PCDHA9: variants seen among roughly 807,000 people sequenced by gnomAD.
The protein encoded by PCDHA9 is protocadherin alpha-9.
In PCDHA9, 62 loss-of-function variants were observed where a neutral mutation model predicts 62.0. The ratio of observed to expected loss-of-function variants is 1.00; its 90% CI spans 0.81 to 1.23. The LOEUF is 1.23. Among genes scored for constraint, PCDHA9 ranks in the 50% most tolerant of loss-of-function variants. The pLI, the probability that PCDHA9 is intolerant of heterozygous loss-of-function variation, is 0.00. For missense variants in PCDHA9, 1,205 were observed against 1,249.8 expected, an observed-to-expected ratio of 0.96 and a Z score of 0.54; for synonymous variants, 557 against 567.6, an observed-to-expected ratio of 0.98 and a Z score of 0.27.
chr5:140,992,757 G>A (rs1345373474), intron 3 of PCDHA9, among the ~76,000 whole-genome samples: 2 of 152,110 alleles, frequency 1.3e-5, no homozygotes, highest in Non-Finnish European at 2.9e-5. Context: ...CCTGTGTTGG[G>A]GATAGGAGGG....
intron 1 of PCDHA9, among the ~76,000 whole-genome samples, chr5:140,942,962 A>G (rs2153660638): frequency 6.6e-6 from 1 of 152,216 alleles, no homozygotes; most frequent in South Asian, 2.1e-4. Flanking sequence ...CTGTTATCAG[A>G]ATTAAATTTT....
chr5:141,000,972 CT>C (rs2097980392), intron 3 of PCDHA9, among the ~76,000 whole-genome samples: 1 of 151,780 alleles, frequency 6.6e-6, no homozygotes, highest in Non-Finnish European at 1.5e-5. Context: ...CTTCATATTC[CT>C]TTTTTATAAA....
At chr5:140,983,408 A>C (rs1554245369) in intron 3 of PCDHA9, among the ~76,000 whole-genome samples, 1 of 152,208 alleles carries the variant, frequency 6.6e-6, no homozygotes, top group East Asian at 1.9e-4. Context: ...GGGAAGATTA[A>C]GTGTTGGTAG....
At chr5:140,975,236 T>A (rs562846037) in intron 1 of PCDHA9, among the ~76,000 whole-genome samples, 84 of 152,334 alleles carry the variant, frequency 5.5e-4, no homozygotes, top group African/African-American at 1.9e-3. Context: ...TCACATGGAA[T>A]CCCTCTTATG....
chr5:140,897,769 C>T (rs1441051679), intron 1 of PCDHA9, among the ~76,000 whole-genome samples: 2 of 152,198 alleles, frequency 1.3e-5, no homozygotes, highest in Non-Finnish European at 2.9e-5. Flanking sequence ...GCCACACTGA[C>T]TTCCACAATG....
rs556783584 is a variant in PCDHA9 at position 140,882,446 on chromosome 5, G to A, written c.2394+31557G>A. ...CCTGGGGCTGGAGCTGGCGGAGCTG[G>A]TGCCGCGCCTGTTCCGGGTGGCGTC... On this transcript the variant is annotated intron_variant, in intron 1 of 3. Coordinates refer to ENST00000532602, the MANE Select transcript of PCDHA9 (RefSeq NM_031857.2). 1.9e-5 allele frequency: 30 copies of A among 1,614,042 alleles called. No individual in the cohort carries two copies. The highest frequency in any genetic ancestry group is 1.0e-4 in the Admixed American group (6 of 60,036).
chr5:140,994,772 G>C (rs2097648880), intron 3 of PCDHA9, among the ~76,000 whole-genome samples: 2 of 152,118 alleles, frequency 1.3e-5, no homozygotes, highest in Non-Finnish European at 1.5e-5. Context: ...GAGAATTCCA[G>C]GCAAAGGAAA....
In PCDHA9 at chr5:140,967,909, C is replaced by T. The variant is rs140881563; in HGVS notation, c.2395-11040C>T. The T allele has an allele frequency of 5.0e-5, 81 of 1,614,206 alleles. No individual in the cohort carries two copies. In the African/African-American group the frequency reaches 9.1e-4, roughly 18 times the overall value. ...CAGTGCCTGAGAATGCTACACCCAACACCATTGTGGCCGTTCTCAGTGTCA... is the reference window on the plus strand; with the variant it reads ...CAGTGCCTGAGAATGCTACACCCAATACCATTGTGGCCGTTCTCAGTGTCA... On this transcript the variant is annotated intron_variant, in intron 1 of 3. Coordinates refer to ENST00000532602, the MANE Select transcript of PCDHA9 (RefSeq NM_031857.2).
chr5:140,976,190 C>T (rs1402016343), intron 1 of PCDHA9, among the ~76,000 whole-genome samples: 17 of 152,040 alleles, frequency 1.1e-4, no homozygotes, highest in African/African-American at 4.1e-4. Context: ...AATCAATATC[C>T]TGGAAACTCA....
chr5:140,947,188 T>C (rs2153678869), intron 1 of PCDHA9, among the ~76,000 whole-genome samples: 1 of 151,448 alleles, frequency 6.6e-6, no homozygotes, highest in South Asian at 2.1e-4. Context: ...CATGGTATAC[T>C]ACACAGCCTT....
At chr5:140,991,420 A>G (rs1413227137) in intron 3 of PCDHA9, among the ~76,000 whole-genome samples, 2 of 152,234 alleles carry the variant, frequency 1.3e-5, no homozygotes, top group Admixed American at 6.5e-5. Flanking sequence ...GCTATAACAA[A>G]TTAACCATAA....
intron 1 of PCDHA9, among the ~76,000 whole-genome samples, chr5:140,915,707 T>C (rs545075490): frequency 1.3e-4 from 19 of 151,930 alleles, no homozygotes; most frequent in Non-Finnish European, 2.6e-4. Flanking sequence ...AGCACTCCTG[T>C]GGCCCCCACT....
At chr5:140,941,202 C>CTTTTCTTTCTTCCTTTCTTT (rs1554213921) in intron 1 of PCDHA9, among the ~76,000 whole-genome samples, 1 of 122,742 alleles carries the variant, frequency 8.1e-6, no homozygotes, top group Non-Finnish European at 1.8e-5. Flanking sequence ...TTTCTTTCTT[C>CTTTTCTTTCTTCCTTTCTTT]CTTTCTTTCT....
At position 140,927,327 on chromosome 5, in the gene PCDHA9, C is replaced by T. The variant is rs781793681; in HGVS notation, c.2395-51622C>T. On this transcript the variant is annotated intron_variant, in intron 1 of 3. Coordinates refer to ENST00000532602, the MANE Select transcript of PCDHA9 (RefSeq NM_031857.2). ...TGACGCCCGGAGCCCGCTTTACTCT[C>T]CCGAATGCCCAAGATGACGACGAGG... 8.5e-5 allele frequency: 137 copies of T among 1,614,206 alleles called. No individual in the cohort carries two copies. In the Middle Eastern group the frequency reaches 3.6e-3, roughly 43 times the overall value.
chr5:140,937,776 G>A (rs1350103217), intron 1 of PCDHA9, among the ~76,000 whole-genome samples: 1 of 151,292 alleles, frequency 6.6e-6, no homozygotes, highest in Non-Finnish European at 1.5e-5. Context: ...GTCGGGCGTG[G>A]TGGCGGGCGT....
At chr5:140,870,622 G>C (rs377101052) in intron 1 of PCDHA9, 4 of 1,613,124 alleles carry the variant, frequency 2.5e-6, no homozygotes, top group Non-Finnish European at 3.4e-6. Flanking sequence ...GTCGAGCTAC[G>C]TGTCGGTGCA....
intron 1 of PCDHA9, 168 bp from the exon 2 acceptor site, chr5:140,978,781 A>G (rs4461687): frequency 4.1e-6 from 4 of 969,772 alleles, no homozygotes; most frequent in South Asian, 4.8e-5. Context: ...ATTTTCTTCT[A>G]AAGTGCTATA....
At position 140,858,524 on chromosome 5, in the gene PCDHA9, T is replaced by C. The variant is rs1562538927; in HGVS notation, c.2394+7635T>C. 9 of 1,408,436 alleles carry C rather than the reference T, an allele frequency of 6.4e-6. 1 individual carries two copies. Among genetic ancestry groups the C allele is most frequent in the Admixed American group, 2.0e-5 (1 of 49,940 alleles). The allele number at this position is 1,408,436 out of a possible 1,614,324, so 87.2% of individuals were successfully genotyped here. A position where few individuals can be genotyped will look rare whatever the true frequency, so the allele number is the denominator to read the frequency against. On this transcript the variant is annotated intron_variant, in intron 1 of 3. Coordinates refer to ENST00000532602, the MANE Select transcript of PCDHA9 (RefSeq NM_031857.2). ...TTTCTCAAATATGTATCAGAATATT[T>C]CATTTTTGTCTACATTCCATTTATG...
At chr5:140,925,176 A>G (rs187925786) in intron 1 of PCDHA9, among the ~76,000 whole-genome samples, 2 of 152,236 alleles carry the variant, frequency 1.3e-5, no homozygotes, top group African/African-American at 2.4e-5. Context: ...ATTGACCCCA[A>G]TGTACCATCA....
Sources: allele counts gnomAD v4.1 joint callset (sites outside exome capture counted in the v4.1 genomes callset), GRCh38; gene constraint gnomAD v4.1.1; transcripts MANE v1.5; gene names NCBI Gene and HGNC (gene_info 2026-07-23, HGNC 2026-07-21).